The following AGBL4 variants were observed in gnomAD, a reference collection of about 807,000 sequenced individuals.
AGBL4 encodes AGBL carboxypeptidase 4.
A neutral mutation model predicts 66.4 loss-of-function variants in AGBL4; 58 were observed. The observed-to-expected ratio is 0.87, with a 90% confidence interval of 0.71 to 1.09. The LOEUF (loss-of-function observed/expected upper bound fraction) is 1.09, where lower values mean the gene tolerates loss of function less well. Ranked by LOEUF, AGBL4 falls within the 50% of genes least tolerant of loss-of-function variation. The probability of loss-of-function intolerance (pLI) is 0.00; values close to 1 mark genes in which losing one functional copy is unlikely to be tolerated. For synonymous variants in AGBL4, 234 were observed against 222.9 expected (o/e 1.05, Z -0.44); for missense variants, 579 against 631.0 (o/e 0.92, Z 0.88).
Position 48,663,175 on chromosome 1 carries a change from G to T in AGBL4, c.701C>A (p.Thr234Lys), listed in dbSNP as rs1253166853. 1 of 1,613,958 alleles carries T rather than the reference G, an allele frequency of 6.2e-7. No individual in the cohort carries two copies. The highest frequency in any genetic ancestry group is 8.5e-7 in the Non-Finnish European group (1 of 1,179,874). ...ACCTTGGCACACAAATGATGAGGGT[G>T]TTTCCCCTGGGTGGACTCGTCCTGT... is the stretch of plus-strand genomic sequence containing the variant. ...FITGRVHPGE[T>K]PSSFVCQGII... The change falls in exon 7 of 14, where the codon ACA becomes AAA. Residue 234 changes from threonine to lysine, a missense_variant. Physicochemically the swap from Thr to Lys is moderately conservative, Grantham distance 78. Transcript: ENST00000371839.
intron 5 of AGBL4, among the ~76,000 whole-genome samples, chr1:48,879,950 A>G (rs1649614296): frequency 6.6e-6 from 1 of 152,044 alleles, no homozygotes; most frequent in Non-Finnish European, 1.5e-5. Flanking sequence ...ACATCTCAAT[A>G]TTTTCTTTTT....
intron 5 of AGBL4, among the ~76,000 whole-genome samples, chr1:49,028,591 C>A (rs1663930312): frequency 1.3e-5 from 2 of 152,092 alleles, no homozygotes; most frequent in African/African-American, 4.8e-5. Flanking sequence ...TGATTCATCA[C>A]CTACTAGGGA....
At chr1:49,500,913 AATG>A (rs1648093387) in intron 3 of AGBL4, among the ~76,000 whole-genome samples, 1 of 151,992 alleles carries the variant, frequency 6.6e-6, no homozygotes, top group South Asian at 2.1e-4. Context: ...GTTCTGTAAA[AATG>A]ATGATGGTAT....
intron 6 of AGBL4, among the ~76,000 whole-genome samples, chr1:48,761,731 C>G (rs926139037): frequency 6.6e-6 from 1 of 151,630 alleles, no homozygotes; most frequent in Non-Finnish European, 1.5e-5. Context: ...AGGGGTTTCT[C>G]TAAGTACATC....
At chr1:49,576,775 A>C (rs1305568158) in intron 3 of AGBL4, among the ~76,000 whole-genome samples, 1 of 152,158 alleles carries the variant, frequency 6.6e-6, no homozygotes, top group Admixed American at 6.5e-5. Context: ...GTCTGCACTG[A>C]TGGCCTCATG....
intron 1 of AGBL4, among the ~76,000 whole-genome samples, chr1:49,973,432 T>C (rs1328832147): frequency 6.6e-6 from 1 of 152,096 alleles, no homozygotes; most frequent in African/African-American, 2.4e-5. Flanking sequence ...AGCTACTATG[T>C]TAAATAGTTC....
chr1:49,502,186 G>T lies in AGBL4; in HGVS notation c.282+195127C>A, dbSNP rs113696537. ...CAAAGTTTCTAGTTGTGTCTGTGAGGGTGTTGGCCTTTGGCCACAGACTGG... is the reference window on the plus strand; with the variant it reads ...CAAAGTTTCTAGTTGTGTCTGTGAGTGTGTTGGCCTTTGGCCACAGACTGG... On this transcript the variant is annotated intron_variant, in intron 3 of 13. Transcript: ENST00000371839. Among the ~76,000 whole-genome samples the T allele has an allele frequency of 4.4e-3, 663 of 152,194 alleles. 7 individuals carry two copies. The highest frequency in any genetic ancestry group is 0.015 in the African/African-American group (621 of 41,544).
chr1:49,545,814 A>G (rs1652430921), intron 3 of AGBL4, among the ~76,000 whole-genome samples: 1 of 152,214 alleles, frequency 6.6e-6, no homozygotes, highest in African/African-American at 2.4e-5. Context: ...CAAAAACAAT[A>G]AAGGCTTAGA....
At chr1:49,218,609 T>C (rs1405408858) in intron 4 of AGBL4, among the ~76,000 whole-genome samples, 1 of 152,150 alleles carries the variant, frequency 6.6e-6, no homozygotes. Context: ...CAACACCCTG[T>C]TAGCTCACCC....
At chr1:49,198,931 G>C (rs1413525032) in intron 4 of AGBL4, among the ~76,000 whole-genome samples, 4 of 152,156 alleles carry the variant, frequency 2.6e-5, no homozygotes, top group South Asian at 4.1e-4. Context: ...TATGTGCTTG[G>C]TATGAATTTG....
chr1:48,875,727 T>C (rs1341264062), intron 5 of AGBL4, among the ~76,000 whole-genome samples: 1 of 152,166 alleles, frequency 6.6e-6, no homozygotes, highest in Non-Finnish European at 1.5e-5. Context: ...CAAGTAGAAT[T>C]AATAGCTGCT....
intron 4 of AGBL4, among the ~76,000 whole-genome samples, chr1:49,241,005 C>T (rs1474515221): frequency 6.6e-6 from 1 of 151,976 alleles, no homozygotes. Context: ...CTTTTACTCT[C>T]CACATCTAGT....
intron 4 of AGBL4, among the ~76,000 whole-genome samples, chr1:49,147,273 T>C (rs1042332705): frequency 3.9e-5 from 6 of 152,068 alleles, no homozygotes; most frequent in African/African-American, 1.4e-4. Context: ...CAAATAGAAA[T>C]AGAAAGGCAG....
In AGBL4 at chr1:49,989,665, A is replaced by T. The variant is rs1051152393; in HGVS notation, c.34+34098T>A. Among the ~76,000 whole-genome samples, 3 of 152,164 alleles carry T rather than the reference A, an allele frequency of 2.0e-5. No homozygotes were observed. In the South Asian group the frequency reaches 6.2e-4, roughly 31 times the overall value. ...CTATCAGAAATTCTCCTTTGTTTTAAATCAAGTTGTTGTTTGACTGATTTA... is the reference window on the plus strand; with the variant it reads ...CTATCAGAAATTCTCCTTTGTTTTATATCAAGTTGTTGTTTGACTGATTTA... On this transcript the variant is annotated intron_variant, in intron 1 of 13. Coordinates refer to ENST00000371839, the MANE Select transcript of AGBL4 (RefSeq NM_032785.4).
chr1:48,858,030 A>C (rs1381787738), intron 6 of AGBL4, among the ~76,000 whole-genome samples: 1 of 152,226 alleles, frequency 6.6e-6, no homozygotes, highest in African/African-American at 2.4e-5. Context: ...ATTAGAATAG[A>C]CATTTCTCCA....
At chr1:49,533,252 T>C (rs1651287701) in intron 3 of AGBL4, among the ~76,000 whole-genome samples, 1 of 152,176 alleles carries the variant, frequency 6.6e-6, no homozygotes, top group Non-Finnish European at 1.5e-5. Flanking sequence ...ATCTGGGTCC[T>C]GGACTTCCAC....
intron 5 of AGBL4, among the ~76,000 whole-genome samples, chr1:48,998,014 A>G (rs1661143125): frequency 2.0e-5 from 3 of 152,240 alleles, no homozygotes. Context: ...GGGTATTCCA[A>G]AAACAGAAAG....
intron 5 of AGBL4, among the ~76,000 whole-genome samples, chr1:48,888,782 G>A (rs1026727320): frequency 2.6e-5 from 4 of 152,374 alleles, no homozygotes; most frequent in Non-Finnish European, 5.9e-5. Context: ...CAGGTAGGGA[G>A]TTGTGTATGC....
chr1:48,727,819 G>A (rs898394346), intron 6 of AGBL4: 34 of 1,463,028 alleles, frequency 2.3e-5, no homozygotes, highest in African/African-American at 5.6e-5. Flanking sequence ...TGATTTGGAC[G>A]GCACCATCGC....
Sources: gnomAD v4.1 joint callset for allele counts (sites outside exome capture counted in the v4.1 genomes callset) on GRCh38, gnomAD v4.1.1 for gene constraint, MANE v1.5 for transcripts, NCBI Gene and HGNC (gene_info 2026-07-23, HGNC 2026-07-21) for gene names.